CEP95: variants seen among roughly 807,000 people sequenced by gnomAD.
The protein encoded by CEP95 is centrosomal protein of 95 kDa.
In CEP95, 98 loss-of-function variants were observed where a neutral mutation model predicts 111.2. That is an observed-to-expected ratio of 0.88 (90% CI 0.75 to 1.04). CEP95 has a LOEUF of 1.04. Among genes scored for constraint, CEP95 ranks in the 50% least tolerant of loss-of-function variants. The pLI is 0.00. For synonymous variants in CEP95, 323 were observed against 327.1 expected, an observed-to-expected ratio of 0.99 and a Z score of 0.14; for missense variants, 1,027 against 977.2, an observed-to-expected ratio of 1.05 and a Z score of -0.68.
At position 64,525,867 on chromosome 17, in the gene CEP95, C is replaced by T; in HGVS notation, c.1007C>T (p.Pro336Leu). The T allele has an allele frequency of 1.3e-6, 2 of 1,572,068 alleles. No individual in the cohort carries two copies. The highest frequency in any genetic ancestry group is 2.4e-5 in the South Asian group (2 of 83,638). Residue 336 changes from proline to leucine, a missense_variant, in exon 9 of 20, where the codon CCT becomes CTT. Coordinates refer to ENST00000556440, the MANE Select transcript of CEP95 (RefSeq NM_138363.3). ...AQVQGPRTRKPPKGKRNENRA... is the reference protein window; with the variant it reads ...AQVQGPRTRKLPKGKRNENRA... The stretch of plus-strand genomic sequence containing the variant: ...GTCCAAGGGCCTAGGACAAGGAAGC[C>T]TCCCAAAGGAAAAAGGTAACATTAC...
chr17:64,526,927 T>C, intron 10 of CEP95, 184 bp from the exon 11 acceptor site: 1 of 459,318 alleles, frequency 2.2e-6, no homozygotes, highest in Non-Finnish European at 3.9e-6. Flanking sequence ...ACCACTGCAC[T>C]CCAGCCTGGG....
At chr17:64,536,856 T>C in intron 18 of CEP95, 108 bp downstream of exon 18, 1 of 1,341,788 alleles carries the variant, frequency 7.5e-7, no homozygotes, top group African/African-American at 1.5e-5. Context: ...AACTGAAGTT[T>C]GCACTCTACA....
rs1568146355 is a variant in CEP95 at position 64,527,271 on chromosome 17, A to T, written c.1306+7A>T. The T allele has an allele frequency of 6.3e-7, 1 of 1,596,558 alleles. No individual in the cohort carries two copies. Among genetic ancestry groups the T allele is most frequent in the Non-Finnish European group, 8.5e-7 (1 of 1,172,160 alleles). On this transcript the variant is annotated splice_region_variant and intron_variant, in intron 11 of 19. Transcript: ENST00000556440. Reference sequence around the variant, plus strand: ...CCAAAGAAGTCAAGGCCAGGTACTTACCCCAGAGAGACTGAGAAGGGGGAC... The same window carrying T: ...CCAAAGAAGTCAAGGCCAGGTACTTTCCCCAGAGAGACTGAGAAGGGGGAC...
intron 3 of CEP95, among the ~76,000 whole-genome samples, chr17:64,510,640 C>T (rs992252807): frequency 3.3e-5 from 5 of 152,216 alleles, no homozygotes; most frequent in Non-Finnish European, 2.9e-5. Context: ...GCCTCAACCT[C>T]CCAAGCTCAG....
chr17:64,520,671 G>T (rs1194415389), intron 6 of CEP95: 2 of 152,212 alleles, frequency 1.3e-5, no homozygotes, highest in African/African-American at 4.8e-5. Context: ...AACCTCAAGT[G>T]ATCTGCCTGC....
In CEP95 at chr17:64,507,128, C is replaced by T. The variant is rs368984398; in HGVS notation, c.19+12C>T. On this transcript the variant is annotated intron_variant, in intron 1 of 19. Transcript: ENST00000556440. The stretch of plus-strand genomic sequence containing the variant: ...AGGCTCGGATGCTGGTGAGTGTCTC[C>T]CTGGGGTCCCAGTATGTGTGGACTG... 3.2e-6 allele frequency: 5 copies of T among 1,551,358 alleles called. No homozygotes were observed. Among genetic ancestry groups the T allele is most frequent in the South Asian group, 1.2e-5 (1 of 84,084 alleles).
At chr17:64,515,295 C>T (rs2039085057) in intron 4 of CEP95, among the ~76,000 whole-genome samples, 1 of 152,144 alleles carries the variant, frequency 6.6e-6, no homozygotes, top group Non-Finnish European at 1.5e-5. Flanking sequence ...GGAATTAGAA[C>T]TAGGGGAGAG....
At chr17:64,528,375 C>T (rs1968020597) in intron 11 of CEP95, among the ~76,000 whole-genome samples, 1 of 152,104 alleles carries the variant, frequency 6.6e-6, no homozygotes, top group African/African-American at 2.4e-5. Context: ...TAAAAGGACT[C>T]AGCTAATTTC....
upstream of CEP95, chr17:64,506,858 A>AGAAT: frequency 1.6e-6 from 1 of 617,904 alleles, no homozygotes; most frequent in Non-Finnish European, 2.9e-6. Flanking sequence ...TGGTCGGCGG[A>AGAAT]GAATGGTCTC....
chr17:64,534,502 TG>T, intron 16 of CEP95, 82 bp from the exon 17 acceptor site: 1 of 1,259,242 alleles, frequency 7.9e-7, no homozygotes, highest in Non-Finnish European at 1.1e-6. Context: ...GACATCGTGA[TG>T]GGGAGTGAGG....
At chr17:64,537,156 G>GT in intron 19 of CEP95, 44 bp downstream of exon 19, 1 of 1,594,642 alleles carries the variant, frequency 6.3e-7, no homozygotes, top group Non-Finnish European at 8.5e-7. Context: ...GCATGGCAAT[G>GT]TTTCTTTCAG....
intron 13 of CEP95, chr17:64,531,251 C>T: frequency 5.5e-6 from 2 of 366,434 alleles, no homozygotes; most frequent in Non-Finnish European, 9.7e-6. Context: ...CTACTTAAAA[C>T]TTCCCATCAG....
Position 64,516,894 on chromosome 17 carries a change from A to G in CEP95, c.473+66A>G, listed in dbSNP as rs1269737893. ...GCTTTTTGGACTAAGAATTAAAATC[A>G]CACGTAATATACCAAGATGGCACCA... On this transcript the variant is annotated intron_variant, in intron 5 of 19. Transcript: ENST00000556440. 4.4e-6 allele frequency: 4 copies of G among 914,156 alleles called. No individual in the cohort carries two copies. The African/African-American group carries it at 6.6e-5, about 15-fold the overall frequency. The allele number at this position is 914,156 out of a possible 1,614,324, so 56.6% of individuals were successfully genotyped here.
intron 3 of CEP95, among the ~76,000 whole-genome samples, chr17:64,512,281 A>G (rs1555675344): frequency 6.6e-6 from 1 of 152,226 alleles, no homozygotes; most frequent in Non-Finnish European, 1.5e-5. Flanking sequence ...AACTCGTAAT[A>G]CTGATTGCTT....
intron 17 of CEP95, 97 bp downstream of exon 17, chr17:64,534,834 T>G: frequency 1.4e-6 from 2 of 1,435,500 alleles, no homozygotes; most frequent in Non-Finnish European, 1.9e-6. Flanking sequence ...CAAATTTGAA[T>G]CCAAAATCTA....
rs1967458757 is a variant in CEP95 at position 64,522,779 on chromosome 17, C to T, written c.793C>T (p.Pro265Ser). 6.2e-7 allele frequency: 1 copy of T among 1,613,724 alleles called. No homozygotes were observed. The highest frequency in any genetic ancestry group is 1.3e-5 in the African/African-American group (1 of 74,892). ...EPIRAAIPLH[P>S]PYHPSEPRAP... ...TATCCGAGCAGCTATTCCTTTACATCCACCCTACCACCCTTCAGAGCCTCG... is the reference window on the plus strand; with the variant it reads ...TATCCGAGCAGCTATTCCTTTACATTCACCCTACCACCCTTCAGAGCCTCG... The change falls in exon 8 of 20, where the codon CCA (proline) becomes TCA (serine). Residue 265 changes from proline (P) to serine (S), a missense_variant. By Grantham distance (74) the Pro-to-Ser change is moderately conservative. Coordinates refer to ENST00000556440, the MANE Select transcript of CEP95 (RefSeq NM_138363.3).
intron 8 of CEP95, among the ~76,000 whole-genome samples, chr17:64,525,053 A>G (rs1427950685): frequency 6.6e-6 from 1 of 151,878 alleles, no homozygotes; most frequent in Admixed American, 6.6e-5. Flanking sequence ...ACCAAGAAAT[A>G]AATTTAGCCG....
Position 64,537,040 on chromosome 17 carries a change from GT to G in CEP95, c.2221del (p.Ser741HisfsTer28). 6.2e-7 allele frequency: 1 copy of G among 1,610,260 alleles called. No individual in the cohort carries two copies. The highest frequency in any genetic ancestry group is 8.5e-7 in the Non-Finnish European group (1 of 1,177,940). On this transcript the variant is annotated frameshift_variant and splice_region_variant, in exon 19 of 20. Coordinates refer to ENST00000556440, the MANE Select transcript of CEP95 (RefSeq NM_138363.3). LOFTEE classifies it high-confidence loss of function. The part of the protein sequence containing the change: ...DSMENYYKDQ[F>X]SLLAEAISQE... ...TTTGTTTTTTTTCTTCCTATAAACAGTTTTCATTGCTGGCAGAAGCCATATC... is the reference window on the plus strand; with the variant it reads ...TTTGTTTTTTTTCTTCCTATAAACAGTTTCATTGCTGGCAGAAGCCATATC...
At chr17:64,526,653 T>C (rs1555679198) in intron 10 of CEP95, among the ~76,000 whole-genome samples, 2 of 152,202 alleles carry the variant, frequency 1.3e-5, no homozygotes, top group Admixed American at 6.5e-5. Context: ...AGCACTGATA[T>C]ACACCTTTTT....
Sources: gnomAD v4.1 joint callset for allele counts (sites outside exome capture counted in the v4.1 genomes callset) on GRCh38, gnomAD v4.1.1 for gene constraint, MANE v1.5 for transcripts, NCBI Gene and HGNC (gene_info 2026-07-23, HGNC 2026-07-21) for gene names.